Variants in NTRK3 observed in about 807,000 individuals in gnomAD.
The protein encoded by NTRK3 is neurotrophic receptor tyrosine kinase 3.
In NTRK3, 24 loss-of-function variants were observed where a neutral mutation model predicts 91.7. The observed-to-expected ratio is 0.26, with a 90% confidence interval of 0.19 to 0.37. NTRK3 has a LOEUF of 0.37. Ranked by LOEUF, NTRK3 falls within the 10% of genes least tolerant of loss-of-function variation. The pLI, the probability that NTRK3 is intolerant of heterozygous loss-of-function variation, is 1.00. For synonymous variants in NTRK3, 483 were observed against 404.0 expected (o/e 1.20, Z -2.34); for missense variants, 880 against 1,068.9 (o/e 0.82, Z 2.46).
At chr15:88,074,084 G>A (rs753812744) in intron 13 of NTRK3, among the ~76,000 whole-genome samples, 2 of 152,158 alleles carry the variant, frequency 1.3e-5, no homozygotes, top group East Asian at 3.9e-4. Context: ...GATGAACACC[G>A]ACCATGTGCC....
rs2074242527 is a variant in NTRK3, at chr15:87,981,262, C to T, written c.1586-40509G>A. The T allele has an allele frequency of 2.5e-6, 4 of 1,591,106 alleles. No individual in the cohort carries two copies. The African/African-American group carries it at 4.0e-5, about 16-fold the overall frequency. On this transcript the variant is annotated intron_variant, in intron 14 of 18. Transcript: ENST00000394480. ...GGGTAAGACACTTCCCCACTCTGGA[C>T]CTCAGGTTCCTCATATATATAGTGA...
At chr15:87,910,881 A>G (rs1346762702) in intron 17 of NTRK3, among the ~76,000 whole-genome samples, 2 of 152,246 alleles carry the variant, frequency 1.3e-5, no homozygotes, top group Non-Finnish European at 2.9e-5. Flanking sequence ...GACTTGAAGT[A>G]AGAAATTTAA....
chr15:87,896,811 C>T (rs888662705), intron 17 of NTRK3, among the ~76,000 whole-genome samples: 14 of 152,198 alleles, frequency 9.2e-5, no homozygotes, highest in Non-Finnish European at 1.5e-4. Flanking sequence ...TGACATCAGA[C>T]TTCTGACTTA....
intron 14 of NTRK3, among the ~76,000 whole-genome samples, chr15:87,960,270 C>G (rs1379732683): frequency 6.6e-6 from 1 of 152,172 alleles, no homozygotes. Context: ...TTATTTCCCT[C>G]TGTCTTCAAT....
chr15:87,977,382 T>C (rs529785293), intron 14 of NTRK3: 50 of 195,488 alleles, frequency 2.6e-4, no homozygotes, highest in Non-Finnish European at 5.0e-4. Context: ...GAAAATAAAG[T>C]GTTTATTAAG....
At chr15:88,209,471 T>C (rs1233970022) in intron 3 of NTRK3, among the ~76,000 whole-genome samples, 2 of 152,172 alleles carry the variant, frequency 1.3e-5, no homozygotes, top group Admixed American at 6.5e-5. Flanking sequence ...GGAATTCACA[T>C]CCTATACTTG....
At chr15:88,049,369 T>G (rs2080577454) in intron 13 of NTRK3, among the ~76,000 whole-genome samples, 1 of 152,196 alleles carries the variant, frequency 6.6e-6, no homozygotes, top group Non-Finnish European at 1.5e-5. Context: ...ATTTTTTAAT[T>G]GCTTAACAAT....
At chr15:88,102,021 T>A (rs28701973) in intron 13 of NTRK3, among the ~76,000 whole-genome samples, 1 of 151,492 alleles carries the variant, frequency 6.6e-6, no homozygotes, top group African/African-American at 2.4e-5. Flanking sequence ...ATAATAATAA[T>A]AAAATAAAAT....
At chr15:88,222,770 TG>T (rs1158973443) in intron 3 of NTRK3, among the ~76,000 whole-genome samples, 1 of 152,138 alleles carries the variant, frequency 6.6e-6, no homozygotes, top group Non-Finnish European at 1.5e-5. Context: ...TTCTGAAGTG[TG>T]GGGTGCCAGG....
chr15:88,179,759 C>T (rs2046302011), intron 5 of NTRK3, among the ~76,000 whole-genome samples: 1 of 152,200 alleles, frequency 6.6e-6, no homozygotes, highest in Admixed American at 6.5e-5. Flanking sequence ...AAGTTGTCAG[C>T]TCATCAGTTT....
At chr15:88,082,888 CAAAA>C (rs2048182815) in intron 13 of NTRK3, among the ~76,000 whole-genome samples, 1 of 152,148 alleles carries the variant, frequency 6.6e-6, no homozygotes, top group Non-Finnish European at 1.5e-5. Context: ...TTCTCTTGCC[CAAAA>C]GGCTCTCAGG....
At chr15:88,215,192 G>T (rs576897910) in intron 3 of NTRK3, among the ~76,000 whole-genome samples, 2 of 152,180 alleles carry the variant, frequency 1.3e-5, no homozygotes, top group Non-Finnish European at 2.9e-5. Context: ...TTTGGCAATG[G>T]CAATTCATCA....
intron 14 of NTRK3, among the ~76,000 whole-genome samples, chr15:87,985,572 C>G (rs1021019049): frequency 1.3e-5 from 2 of 152,176 alleles, no homozygotes; most frequent in African/African-American, 4.8e-5. Flanking sequence ...CTCAATGCTG[C>G]TGGGAAAATG....
chr15:87,865,110 C>A (rs888654221), exon 19 of NTRK3: 1 of 213,162 alleles, frequency 4.7e-6, no homozygotes, highest in Non-Finnish European at 9.5e-6. Flanking sequence ...TGAACTTGAG[C>A]AAAATATTTG....
At chr15:88,186,151 T>C (rs920885177) in intron 3 of NTRK3, among the ~76,000 whole-genome samples, 16 of 152,202 alleles carry the variant, frequency 1.1e-4, no homozygotes, top group Admixed American at 3.3e-4. Flanking sequence ...ACCAAGTAGA[T>C]CACCATGATT....
At chr15:88,230,967 G>T (rs1388853514) in intron 3 of NTRK3, among the ~76,000 whole-genome samples, 1 of 152,216 alleles carries the variant, frequency 6.6e-6, no homozygotes, top group Non-Finnish European at 1.5e-5. Context: ...ACATGGCCAA[G>T]TCTTGACCCC....
At chr15:87,982,732 G>C (rs866921920) in intron 14 of NTRK3, among the ~76,000 whole-genome samples, 1 of 152,172 alleles carries the variant, frequency 6.6e-6, no homozygotes, top group Non-Finnish European at 1.5e-5. Context: ...ATCTCTAAAG[G>C]CAAGTCCTTT....
intron 5 of NTRK3, among the ~76,000 whole-genome samples, chr15:88,166,146 G>A (rs976826509): frequency 7.2e-5 from 11 of 152,108 alleles, no homozygotes; most frequent in African/African-American, 2.7e-4. Context: ...CTCTGGTCTG[G>A]AAGAAAGAAT....
chr15:88,093,970 C>T (rs1190358252), intron 13 of NTRK3, among the ~76,000 whole-genome samples: 1 of 152,148 alleles, frequency 6.6e-6, no homozygotes, highest in Non-Finnish European at 1.5e-5. Context: ...CAAACAGCCT[C>T]AGCAAGGTCA....
Sources: allele counts gnomAD v4.1 joint callset (sites outside exome capture counted in the v4.1 genomes callset), GRCh38; gene constraint gnomAD v4.1.1; transcripts MANE v1.5; gene names NCBI Gene and HGNC (gene_info 2026-07-23, HGNC 2026-07-21).